The following UNC5D variants were observed in gnomAD, a reference collection of about 807,000 sequenced individuals.
The protein encoded by UNC5D is unc-5 netrin receptor D, also known as netrin receptor UNC5D.
In UNC5D, 39 loss-of-function variants were observed where a neutral mutation model predicts 105.4. The observed-to-expected ratio is 0.37, with a 90% CI of 0.29 to 0.48. UNC5D has a LOEUF of 0.48. UNC5D is among the 20% of genes least tolerant of loss of function. The pLI is 0.98. For missense variants in UNC5D, 991 were observed against 1,202.4 expected (o/e 0.82, Z 2.60); for synonymous variants, 452 against 450.4 (o/e 1.00, Z -0.04).
At chr8:35,776,107 A>G (rs923845801) in intron 16 of UNC5D, among the ~76,000 whole-genome samples, 1 of 152,168 alleles carries the variant, frequency 6.6e-6, no homozygotes, top group Non-Finnish European at 1.5e-5. Context: ...AGAAAATATA[A>G]CACGGTTAAA....
intron 1 of UNC5D, among the ~76,000 whole-genome samples, chr8:35,321,632 T>A (rs1809753031): frequency 6.6e-6 from 1 of 152,172 alleles, no homozygotes; most frequent in East Asian, 1.9e-4. Context: ...CAGGTGAGAA[T>A]GTACAAATAC....
At chr8:35,708,603 T>G (rs1052453203) in intron 8 of UNC5D, among the ~76,000 whole-genome samples, 17 of 152,138 alleles carry the variant, frequency 1.1e-4, no homozygotes, top group Admixed American at 6.5e-5. Context: ...ACAATAAGAC[T>G]CCTTGGAGGC....
chr8:35,513,583 C>G (rs1161679373), intron 1 of UNC5D, among the ~76,000 whole-genome samples: 2 of 152,182 alleles, frequency 1.3e-5, no homozygotes, highest in Non-Finnish European at 2.9e-5. Flanking sequence ...TCCAACATTC[C>G]TAGTTCTTCT....
intron 4 of UNC5D, among the ~76,000 whole-genome samples, chr8:35,611,010 CAAAAAAA>C (rs11314770): frequency 3.3e-5 from 2 of 60,100 alleles, no homozygotes; most frequent in African/African-American, 6.6e-5. Context: ...GACAAAGAAG[CAAAAAAA>C]AAAAAAAAAA....
intron 1 of UNC5D, among the ~76,000 whole-genome samples, chr8:35,355,544 G>A (rs1344621225): frequency 6.6e-6 from 1 of 152,080 alleles, no homozygotes; most frequent in Non-Finnish European, 1.5e-5. Context: ...CTTGGTGCAT[G>A]TCAAGCAGAG....
intron 1 of UNC5D, among the ~76,000 whole-genome samples, chr8:35,378,749 T>G (rs1404860010): frequency 1.3e-5 from 2 of 152,186 alleles, no homozygotes; most frequent in East Asian, 3.9e-4. Flanking sequence ...GATGAAAATT[T>G]TGAGCATTTC....
At chr8:35,332,788 A>C (rs1810725275) in intron 1 of UNC5D, among the ~76,000 whole-genome samples, 1 of 152,156 alleles carries the variant, frequency 6.6e-6, no homozygotes. Context: ...ATGGGCTTGG[A>C]AAGAGAAGAT....
At chr8:35,433,107 A>G (rs574377856) in intron 1 of UNC5D, among the ~76,000 whole-genome samples, 1 of 152,282 alleles carries the variant, frequency 6.6e-6, no homozygotes, top group South Asian at 2.1e-4. Flanking sequence ...GAAAGCTAAC[A>G]CATTTATTTT....
intron 1 of UNC5D, among the ~76,000 whole-genome samples, chr8:35,247,527 T>C (rs977539720): frequency 8.1e-6 from 1 of 124,048 alleles, no homozygotes; most frequent in Non-Finnish European, 1.6e-5. Context: ...TCTCTCTATA[T>C]ATATATATGT....
Position 35,578,402 on chromosome 8 carries a change from A to C in UNC5D, c.466+10161A>C, listed in dbSNP as rs1249938281. ...AATGGCTCATTTAACTGTGTTTCTC[A>C]AAATGCTGTCTACATGTGGGATACT... On this transcript the variant is annotated intron_variant, in intron 3 of 16. Coordinates refer to ENST00000404895, the MANE Select transcript of UNC5D (RefSeq NM_080872.4). Among the ~76,000 whole-genome samples the C allele has an allele frequency of 2.0e-5, 3 of 152,130 alleles. No homozygotes were observed. In the South Asian group the frequency reaches 6.2e-4, roughly 32 times the overall value.
At chr8:35,731,183 G>A (rs1470790884) in intron 11 of UNC5D, 87 bp downstream of exon 11, 5 of 1,293,646 alleles carry the variant, frequency 3.9e-6, no homozygotes, top group African/African-American at 1.5e-5. Flanking sequence ...CAGATCACTT[G>A]AGGTCAGGAG....
At chr8:35,386,791 A>C (rs759037972) in intron 1 of UNC5D, among the ~76,000 whole-genome samples, 6 of 152,218 alleles carry the variant, frequency 3.9e-5, no homozygotes, top group African/African-American at 7.2e-5. Flanking sequence ...ACTGTGGGAA[A>C]GGGACAATTT....
intron 1 of UNC5D, among the ~76,000 whole-genome samples, chr8:35,294,805 A>G (rs1807344663): frequency 6.6e-6 from 1 of 151,968 alleles, no homozygotes; most frequent in Non-Finnish European, 1.5e-5. Context: ...AAGCAGCTCA[A>G]CTTTTTCTTG....
chr8:35,405,651 C>T (rs74977118), intron 1 of UNC5D, among the ~76,000 whole-genome samples: 1,692 of 152,146 alleles, frequency 0.011, 27 homozygotes, highest in Middle Eastern at 0.031. Context: ...GTTCCCCTAA[C>T]GTTAAACTGT....
At chr8:35,692,688 A>G (rs148218271) in intron 7 of UNC5D, among the ~76,000 whole-genome samples, 477 of 152,342 alleles carry the variant, frequency 3.1e-3, no homozygotes, top group African/African-American at 9.6e-3. Flanking sequence ...TTGCTTAATG[A>G]TAGCGTAGTT....
chr8:35,630,836 T>G (rs1425711501), intron 4 of UNC5D, among the ~76,000 whole-genome samples: 1 of 152,230 alleles, frequency 6.6e-6, no homozygotes, highest in Non-Finnish European at 1.5e-5. Context: ...ACTTCATCCC[T>G]AATTTAAGCC....
intron 1 of UNC5D, among the ~76,000 whole-genome samples, chr8:35,242,915 A>G (rs1015776884): frequency 6.6e-6 from 1 of 152,182 alleles, no homozygotes; most frequent in Non-Finnish European, 1.5e-5. Flanking sequence ...TAACATCTTT[A>G]TTTTAATTTA....
chr8:35,285,246 G>T (rs1321819156), intron 1 of UNC5D, among the ~76,000 whole-genome samples: 4 of 152,164 alleles, frequency 2.6e-5, no homozygotes, highest in Non-Finnish European at 5.9e-5. Context: ...AAAGGCCTGC[G>T]TATTTTTCCA....
chr8:35,754,354 T>C (rs959038720), intron 13 of UNC5D, among the ~76,000 whole-genome samples: 3 of 152,236 alleles, frequency 2.0e-5, no homozygotes, highest in Non-Finnish European at 4.4e-5. Context: ...GAAATCAATG[T>C]GAACATGGTT....
Sources: allele counts gnomAD v4.1 joint callset (sites outside exome capture counted in the v4.1 genomes callset), GRCh38; gene constraint gnomAD v4.1.1; transcripts MANE v1.5; gene names NCBI Gene and HGNC (gene_info 2026-07-23, HGNC 2026-07-21).